GCSAML: variants seen among roughly 807,000 people sequenced by gnomAD.
GCSAML encodes the protein germinal center associated signaling and motility like.
Under a neutral mutation model 13.0 loss-of-function variants are expected in GCSAML, and 9 were observed. That is an observed-to-expected ratio of 0.69 (90% CI 0.42 to 1.21). The LOEUF (loss-of-function observed/expected upper bound fraction) is 1.21, where lower values mean the gene tolerates loss of function less well. GCSAML is among the 50% of genes most tolerant of loss of function. GCSAML has a pLI of 0.00. For synonymous variants in GCSAML, 37 were observed against 52.9 expected (o/e 0.70, Z 1.31); for missense variants, 143 against 153.4 (o/e 0.93, Z 0.36).
At position 247,574,187 on chromosome 1, in the gene GCSAML, C is replaced by A. The variant is rs762053000; in HGVS notation, c.213C>A (p.Val71=). ...GSGSEEVCYT[V]INHIPHQRSS... is the part of the protein sequence containing the mutation. ...GTTCTGAAGAAGTGTGCTACACTGT[C>A]ATTAATCACATCCCCCATCAGAGAT... The change falls in exon 5 of 5, where the codon GTC becomes GTA. Residue 71 remains valine (V), a synonymous_variant. Coordinates refer to ENST00000366488, the MANE Select transcript of GCSAML (RefSeq NM_145278.5). 6.2e-7 allele frequency: 1 copy of A among 1,613,842 alleles called. No homozygotes were observed. Among genetic ancestry groups the A allele is most frequent in the South Asian group, 1.1e-5 (1 of 91,088 alleles).
chr1:247,532,875 G>A (rs900779348), intron 2 of GCSAML, among the ~76,000 whole-genome samples: 3 of 6,348 alleles, frequency 4.7e-4, no homozygotes, highest in Non-Finnish European at 1.1e-3. Context: ...AAGACTGGGT[G>A]GGGGGTGTTC....
upstream of GCSAML, among the ~76,000 whole-genome samples, chr1:247,547,523 T>C (rs12567154): frequency 0.22 from 33,445 of 152,244 alleles, 4,334 homozygotes; most frequent in East Asian, 0.43. Context: ...TTAATGAGCT[T>C]ATTTGTGAGT....
intron 1 of GCSAML, among the ~76,000 whole-genome samples, chr1:247,519,622 T>C (rs930067485): frequency 9.9e-5 from 15 of 152,246 alleles, no homozygotes; most frequent in Admixed American, 2.6e-4. Flanking sequence ...ACATTCGTTA[T>C]TCTAGGTTAG....
At chr1:247,529,887 TTTGAAC>T (rs1466393056) in intron 2 of GCSAML, 3 of 152,292 alleles carry the variant, frequency 2.0e-5, no homozygotes, top group Admixed American at 1.3e-4. Context: ...GCCTCCAGAC[TTTGAAC>T]TCAAGCTGCA....
At chr1:247,529,626 T>G (rs534278796) in intron 2 of GCSAML, 8 of 152,112 alleles carry the variant, frequency 5.3e-5, no homozygotes, top group Admixed American at 4.6e-4. Flanking sequence ...AAAGTTTGGG[T>G]TTGGTGTGAT....
chr1:247,509,721 A>C (rs1484694842), intron 1 of GCSAML, among the ~76,000 whole-genome samples: 1 of 152,140 alleles, frequency 6.6e-6, no homozygotes, highest in African/African-American at 2.4e-5. Context: ...AGGGGTGTTG[A>C]ATTTTATTGA....
intron 1 of GCSAML, chr1:247,519,110 T>A (rs1465218707): frequency 6.6e-6 from 1 of 152,500 alleles, no homozygotes; most frequent in Non-Finnish European, 1.5e-5. Flanking sequence ...GGCAGGGATG[T>A]GAATGTGAAT....
At chr1:247,515,407 G>T (rs144596185) in intron 1 of GCSAML, among the ~76,000 whole-genome samples, 21 of 152,266 alleles carry the variant, frequency 1.4e-4, no homozygotes, top group African/African-American at 5.1e-4. Context: ...TTAAAATGTT[G>T]TTTATGAAAA....
chr1:247,513,811 CCT>C (rs1002104384), intron 1 of GCSAML, among the ~76,000 whole-genome samples: 1 of 152,148 alleles, frequency 6.6e-6, no homozygotes, highest in Non-Finnish European at 1.5e-5. Context: ...AATGCTCCAC[CCT>C]CTTTCTGCTC....
chr1:247,539,272 T>A (rs1260164402), intron 2 of GCSAML, among the ~76,000 whole-genome samples: 1 of 152,168 alleles, frequency 6.6e-6, no homozygotes, highest in Non-Finnish European at 1.5e-5. Flanking sequence ...ACTTCATGGC[T>A]CTTCATAGCA....
intron 1 of GCSAML, among the ~76,000 whole-genome samples, chr1:247,514,953 G>A (rs1168752493): frequency 1.3e-5 from 2 of 151,956 alleles, no homozygotes; most frequent in African/African-American, 4.8e-5. Flanking sequence ...GCTCTTTTTT[G>A]CTTCCATGTA....
chr1:247,538,348 C>G (rs111692069), intron 2 of GCSAML, among the ~76,000 whole-genome samples: 1 of 152,074 alleles, frequency 6.6e-6, no homozygotes, highest in East Asian at 1.9e-4. Flanking sequence ...AAATATGAAC[C>G]GTATTCTGAA....
At chr1:247,544,377 A>T (rs970698052), upstream of GCSAML, among the ~76,000 whole-genome samples, 8 of 152,220 alleles carry the variant, frequency 5.3e-5, no homozygotes, top group African/African-American at 1.9e-4. Flanking sequence ...TTCTGTTCAT[A>T]TAACAGCTTC....
intron 2 of GCSAML, among the ~76,000 whole-genome samples, chr1:247,541,880 C>T (rs903771471): frequency 5.3e-5 from 8 of 151,754 alleles, no homozygotes; most frequent in African/African-American, 1.5e-4. Flanking sequence ...CATGGTGGTG[C>T]GTGCCTGTAG....
At chr1:247,539,659 G>A (rs1382382266) in intron 2 of GCSAML, among the ~76,000 whole-genome samples, 1 of 152,096 alleles carries the variant, frequency 6.6e-6, no homozygotes, top group Non-Finnish European at 1.5e-5. Context: ...GGGAGCCCTC[G>A]GCCTCAAACA....
At chr1:247,531,606 G>C (rs1666959162) in intron 2 of GCSAML, 1 of 1,614,176 alleles carries the variant, frequency 6.2e-7, no homozygotes, top group Non-Finnish European at 8.5e-7. Context: ...CCATGTGCCG[G>C]AGGGCGCTCT....
intron 2 of GCSAML, among the ~76,000 whole-genome samples, chr1:247,542,745 A>G (rs1472745622): frequency 6.6e-6 from 1 of 152,264 alleles, no homozygotes. Flanking sequence ...AAAGAATGTC[A>G]TGAATTTAGC....
At chr1:247,569,439 C>T (rs1668515126) in intron 4 of GCSAML, among the ~76,000 whole-genome samples, 1 of 152,090 alleles carries the variant, frequency 6.6e-6, no homozygotes, top group East Asian at 1.9e-4. Context: ...TTATCGAAGG[C>T]CTTTTCTGCA....
chr1:247,519,864 A>G (rs1490328289), intron 1 of GCSAML, among the ~76,000 whole-genome samples: 1 of 152,186 alleles, frequency 6.6e-6, no homozygotes, highest in Non-Finnish European at 1.5e-5. Context: ...TATGGACTCA[A>G]AGAGTTTGTA....
Sources: gnomAD v4.1 joint callset for allele counts (sites outside exome capture counted in the v4.1 genomes callset) on GRCh38, gnomAD v4.1.1 for gene constraint, MANE v1.5 for transcripts, NCBI Gene and HGNC (gene_info 2026-07-23, HGNC 2026-07-21) for gene names.